The following UBR4 variants were observed in gnomAD, a reference collection of about 807,000 sequenced individuals.
The protein encoded by UBR4 is E3 ubiquitin-protein ligase UBR4.
UBR4 carries 124 observed loss-of-function variants against 575.6 expected under a neutral mutation model. The observed-to-expected ratio is 0.22, with a 90% CI of 0.19 to 0.25. The LOEUF (loss-of-function observed/expected upper bound fraction) is 0.25, where lower values mean the gene tolerates loss of function less well. UBR4 is among the 10% of genes least tolerant of loss of function. The pLI is 1.00. For synonymous variants in UBR4, 2,455 were observed against 2,473.7 expected (o/e 0.99, Z 0.22); for missense variants, 4,818 against 6,478.8 (o/e 0.74, Z 8.80).
intron 1 of UBR4, among the ~76,000 whole-genome samples, chr1:19,205,895 T>C (rs928759099): frequency 2.0e-5 from 3 of 152,148 alleles, no homozygotes; most frequent in South Asian, 2.1e-4. Context: ...TCAGAAAGAA[T>C]TGGCTCAGAG....
chr1:19,146,947 C>T lies in UBR4; in HGVS notation c.7683G>A (p.Glu2561=), dbSNP rs2150150776. 2.5e-6 allele frequency: 4 copies of T among 1,613,808 alleles called. No individual in the cohort carries two copies. Among genetic ancestry groups the T allele is most frequent in the Non-Finnish European group, 3.4e-6 (4 of 1,179,822 alleles). Residue 2561 remains glutamate, a synonymous_variant, in exon 52 of 106, where the codon GAG becomes GAA. Transcript: ENST00000375254. ...ACACCTCAGGGTCCAAATCCTTGCC[C>T]TCTTTGCTAGATGTGTTGAGACACT... ...AVQCLNTSSK[E]GKDLDPEVFQ...
At chr1:19,188,293 C>A (rs1438538892) in intron 11 of UBR4, among the ~76,000 whole-genome samples, 4 of 152,138 alleles carry the variant, frequency 2.6e-5, no homozygotes, top group Admixed American at 2.6e-4. Flanking sequence ...GTGGCTCATG[C>A]CTATAATCCC....
At chr1:19,169,984 C>T (rs931924443) in intron 26 of UBR4, among the ~76,000 whole-genome samples, 2 of 152,198 alleles carry the variant, frequency 1.3e-5, no homozygotes, top group African/African-American at 4.8e-5. Flanking sequence ...GTGAGACTAT[C>T]TGAATGTTAA....
rs1466698002 is a variant in UBR4, at chr1:19,177,505, G to T, written c.2593C>A (p.Leu865Met). ...LARLLLIFDY[L>M]LHQYSKAPVY... is the part of the protein sequence containing the mutation. ...GGGGCTTTGGAGTACTGATGAAGCA[G>T]ATAATCAAAGATGAGAAGGAGGCGA... The change falls in exon 19 of 106, where the codon CTG (leucine) becomes ATG (methionine). Residue 865 changes from leucine (L) to methionine (M), a missense_variant. This residue lies in a region of UBR4 where 1,172 missense variants were observed against 1,259.7 expected (regional missense o/e 0.93). Coordinates refer to ENST00000375254, the MANE Select transcript of UBR4 (RefSeq NM_020765.3). 1 of 1,613,890 alleles carries T rather than the reference G, an allele frequency of 6.2e-7. No individual in the cohort carries two copies. The highest frequency in any genetic ancestry group is 1.3e-5 in the African/African-American group (1 of 74,904).
At chr1:19,171,949 A>C (rs12566296) in intron 25 of UBR4, among the ~76,000 whole-genome samples, 41,896 of 152,122 alleles carry the variant, frequency 0.28, 6,629 homozygotes, top group East Asian at 0.61. Context: ...TGCAAAGGGA[A>C]CTAATTCTCA....
At chr1:19,124,915 C>A (rs1279737142) in intron 64 of UBR4, among the ~76,000 whole-genome samples, 1 of 152,012 alleles carries the variant, frequency 6.6e-6, no homozygotes, top group East Asian at 1.9e-4. Context: ...GCAGACCTCA[C>A]TTCCTAAAAG....
At position 19,094,917 on chromosome 1, in the gene UBR4, T is replaced by C; in HGVS notation, c.13735A>G (p.Ser4579Gly). The stretch of plus-strand genomic sequence containing the variant: ...CGAGCCCCACTCACCTTGTCCTCAC[T>C]CAGGGGCTCAGCATTGGACTCATCT... ...ILDESNAEPL[S>G]EDKGNLLLTG... Residue 4579 changes from serine to glycine, a missense_variant, in exon 94 of 106, where the codon AGT (serine) becomes GGT (glycine). Ser to Gly is a moderately conservative substitution (Grantham distance 56). Around this residue, in one of 29 missense-constraint regions of UBR4, gnomAD observed 165 missense variants for 282.3 expected, o/e 0.58. Coordinates refer to ENST00000375254, the MANE Select transcript of UBR4 (RefSeq NM_020765.3). 1 of 1,613,674 alleles carries C rather than the reference T, an allele frequency of 6.2e-7. No individual in the cohort carries two copies. The highest frequency in any genetic ancestry group is 8.5e-7 in the Non-Finnish European group (1 of 1,179,992).
intron 1 of UBR4, among the ~76,000 whole-genome samples, chr1:19,209,285 T>G (rs1189772327): frequency 1.3e-5 from 2 of 152,184 alleles, no homozygotes; most frequent in African/African-American, 4.8e-5. Flanking sequence ...ATTAAACTAA[T>G]GAAAGACTGC....
intron 97 of UBR4, among the ~76,000 whole-genome samples, chr1:19,090,833 G>A (rs573530393): frequency 2.6e-5 from 4 of 152,164 alleles, no homozygotes; most frequent in African/African-American, 4.8e-5. Context: ...AATGGCTCAC[G>A]TCTGTAATCC....
At chr1:19,182,179 T>C (rs932265354) in intron 17 of UBR4, among the ~76,000 whole-genome samples, 3 of 152,170 alleles carry the variant, frequency 2.0e-5, no homozygotes, top group African/African-American at 7.2e-5. Context: ...TGGCTGGATG[T>C]TTTGTTTATC....
intron 18 of UBR4, 97 bp downstream of exon 18, chr1:19,178,954 C>T: frequency 6.9e-7 from 1 of 1,451,022 alleles, no homozygotes; most frequent in South Asian, 1.2e-5. Flanking sequence ...ATTATCATTA[C>T]AGCAAAGCCT....
At chr1:19,186,776 C>G in intron 13 of UBR4, 119 bp from the exon 14 acceptor site, 1 of 843,312 alleles carries the variant, frequency 1.2e-6, no homozygotes, top group Non-Finnish European at 1.8e-6. Context: ...CTCTTAATAG[C>G]TCCCTTAATT....
At position 19,089,639 on chromosome 1, in the gene UBR4, G is replaced by C. The variant is rs555518182; in HGVS notation, c.14212-662C>G. On this transcript the variant is annotated intron_variant, in intron 97 of 105. Coordinates refer to ENST00000375254, the MANE Select transcript of UBR4 (RefSeq NM_020765.3). This position sits in a 1 kb window ranked among gnomAD's most constrained non-coding sequence, Gnocchi z 4.3. ...CAGAAGGCTAAAGACAGGTGTAGTTGGAAAAAGCACTCCAGGTGAGCTCAC... is the reference window on the plus strand; with the variant it reads ...CAGAAGGCTAAAGACAGGTGTAGTTCGAAAAAGCACTCCAGGTGAGCTCAC... 3.7e-4 allele frequency among the ~76,000 whole-genome samples: 56 copies of C among 152,294 alleles called. No homozygotes were observed. Among genetic ancestry groups the C allele is most frequent in the African/African-American group, 1.3e-3 (52 of 41,554 alleles).
At chr1:19,125,274 C>T (rs2081599068) in intron 64 of UBR4, among the ~76,000 whole-genome samples, 1 of 152,166 alleles carries the variant, frequency 6.6e-6, no homozygotes, top group Admixed American at 6.5e-5. Context: ...GAGGGCACAA[C>T]GTGTCTCACA....
chr1:19,144,963 G>T, intron 53 of UBR4, 56 bp from the exon 54 acceptor site: 1 of 1,602,362 alleles, frequency 6.2e-7, no homozygotes, highest in South Asian at 1.1e-5. Flanking sequence ...CTAACTACTT[G>T]AGAGTCTGAG....
At chr1:19,084,738 T>C (rs748156772) in intron 101 of UBR4, 40 bp from the exon 102 acceptor site, 5 of 1,562,434 alleles carry the variant, frequency 3.2e-6, no homozygotes, top group Non-Finnish European at 4.4e-6. Context: ...GGAAGTGAGT[T>C]CCTGGTGAAA....
chr1:19,165,703 C>T lies in UBR4; in HGVS notation c.4164G>A (p.Leu1388=), dbSNP rs993850768. 7 of 1,614,152 alleles carry T rather than the reference C, an allele frequency of 4.3e-6. No individual in the cohort carries two copies. The highest frequency in any genetic ancestry group is 5.9e-6 in the Non-Finnish European group (7 of 1,180,012). ...EECLQYLEKQ[L]ESSQARKAME... ...TAGCTTTACGAGCCTGGCTACTTTC[C>T]AGCTGCTTTTCCAAGTACTGGAGAC... is the stretch of plus-strand genomic sequence containing the variant. The change falls in exon 30 of 106, where the codon CTG becomes CTA. Residue 1388 remains leucine, a synonymous_variant. Transcript: ENST00000375254.
At chr1:19,133,896 T>C (rs920728827) in intron 60 of UBR4, among the ~76,000 whole-genome samples, 3 of 151,924 alleles carry the variant, frequency 2.0e-5, no homozygotes, top group Admixed American at 6.6e-5. Context: ...CTCGTCAACA[T>C]GACAAAACTC....
chr1:19,186,885 G>C (rs1181075486), intron 13 of UBR4, among the ~76,000 whole-genome samples: 2 of 151,928 alleles, frequency 1.3e-5, no homozygotes, highest in African/African-American at 4.8e-5. Context: ...CTATGCTTCT[G>C]CTTCAGTATG....
Sources: gnomAD v4.1 joint callset for allele counts (sites outside exome capture counted in the v4.1 genomes callset) on GRCh38, gnomAD v4.1.1 for gene constraint, gnomAD v4.1.1 regional missense constraint, Gnocchi (gnomAD v3.1) non-coding constraint, MANE v1.5 for transcripts, NCBI Gene and HGNC (gene_info 2026-07-23, HGNC 2026-07-21) for gene names.